The following DOCK3 variants were observed in gnomAD, a reference collection of about 807,000 sequenced individuals.
DOCK3 encodes the protein dedicator of cytokinesis 3.
Under a neutral mutation model 265.6 loss-of-function variants are expected in DOCK3, and 60 were observed. That is an observed-to-expected ratio of 0.23 (90% CI 0.18 to 0.28). The LOEUF (loss-of-function observed/expected upper bound fraction) is 0.28, where lower values mean the gene tolerates loss of function less well. Among genes scored for constraint, DOCK3 ranks in the 10% least tolerant of loss-of-function variants. DOCK3 has a pLI of 1.00. For missense variants in DOCK3, 1,981 were observed against 2,594.3 expected, an observed-to-expected ratio of 0.76 and a Z score of 5.14; for synonymous variants, 881 against 938.0, an observed-to-expected ratio of 0.94 and a Z score of 1.11.
chr3:50,877,121 CT>C, intron 3 of DOCK3: 1 of 278,886 alleles, frequency 3.6e-6, no homozygotes, highest in Non-Finnish European at 7.1e-6. Flanking sequence ...CTAGGCATTG[CT>C]CCAGGAAAAT....
intron 5 of DOCK3, among the ~76,000 whole-genome samples, chr3:50,961,418 T>C (rs551330776): frequency 1.3e-5 from 2 of 152,146 alleles, no homozygotes; most frequent in Non-Finnish European, 2.9e-5. Flanking sequence ...GCATTGCTAG[T>C]TTATAAACAG....
intron 5 of DOCK3, among the ~76,000 whole-genome samples, chr3:50,984,085 A>T (rs9877776): frequency 6.6e-6 from 1 of 151,434 alleles, no homozygotes; most frequent in East Asian, 1.9e-4. Context: ...TTGCTCACAC[A>T]CCCCTTGCCA....
intron 5 of DOCK3, among the ~76,000 whole-genome samples, chr3:50,993,339 A>G (rs2078175060): frequency 6.6e-6 from 1 of 152,228 alleles, no homozygotes. Context: ...TTGGCTTAAT[A>G]ATTCCTTGCC....
At chr3:50,922,878 T>G (rs1433480089) in intron 4 of DOCK3, among the ~76,000 whole-genome samples, 1 of 152,070 alleles carries the variant, frequency 6.6e-6, no homozygotes, top group Non-Finnish European at 1.5e-5. Flanking sequence ...CCAAGCAGTA[T>G]ACACTGCACC....
intron 5 of DOCK3, among the ~76,000 whole-genome samples, chr3:50,951,888 C>G (rs993447903): frequency 6.6e-6 from 1 of 152,124 alleles, no homozygotes; most frequent in African/African-American, 2.4e-5. Context: ...TGACCTGTGG[C>G]AGTTATATCA....
At chr3:50,901,078 C>T (rs1316253736) in intron 4 of DOCK3, 4 of 279,662 alleles carry the variant, frequency 1.4e-5, no homozygotes, top group East Asian at 1.3e-4. Flanking sequence ...TGCCTGCTGC[C>T]GCCCCTTCCC....
At chr3:50,795,829 A>G (rs2042741710) in intron 2 of DOCK3, among the ~76,000 whole-genome samples, 1 of 152,130 alleles carries the variant, frequency 6.6e-6, no homozygotes, top group African/African-American at 2.4e-5. Flanking sequence ...TGTGTTTTGC[A>G]GCTCTTTCAG....
At chr3:50,742,615 A>G (rs2039129668) in intron 1 of DOCK3, among the ~76,000 whole-genome samples, 1 of 152,162 alleles carries the variant, frequency 6.6e-6, no homozygotes, top group Non-Finnish European at 1.5e-5. Context: ...GATGAAATGA[A>G]TGAAATGAAG....
intron 49 of DOCK3, among the ~76,000 whole-genome samples, chr3:51,371,732 C>T (rs767755360): frequency 2.9e-4 from 44 of 152,236 alleles, no homozygotes; most frequent in South Asian, 6.2e-4. Context: ...GTCTTCCTTG[C>T]CATACCCATG....
At chr3:51,317,152 G>A (rs757605980) in intron 32 of DOCK3, among the ~76,000 whole-genome samples, 16 of 151,672 alleles carry the variant, frequency 1.1e-4, no homozygotes, top group Non-Finnish European at 1.9e-4. Flanking sequence ...ATGAAGGATG[G>A]ATCAGGTTCT....
chr3:51,219,634 A>G (rs1160409298), intron 14 of DOCK3, among the ~76,000 whole-genome samples: 1 of 152,210 alleles, frequency 6.6e-6, no homozygotes, highest in Non-Finnish European at 1.5e-5. Context: ...AATCGTGCTT[A>G]CTCCAAGCCA....
At chr3:50,905,048 C>G (rs959322137) in intron 4 of DOCK3, among the ~76,000 whole-genome samples, 1 of 151,978 alleles carries the variant, frequency 6.6e-6, no homozygotes, top group African/African-American at 2.4e-5. Flanking sequence ...TTTTTCTCAG[C>G]TTTGTCAAAG....
chr3:51,367,457 G>GT (rs1208570328), intron 49 of DOCK3, among the ~76,000 whole-genome samples: 6 of 152,184 alleles, frequency 3.9e-5, no homozygotes, highest in African/African-American at 1.4e-4. Context: ...TTGCCAGTCT[G>GT]TGTCTTTTAA....
chr3:51,130,832 C>T lies in DOCK3; in HGVS notation c.747-15717C>T, dbSNP rs1054871501. On this transcript the variant is annotated intron_variant, in intron 9 of 52. Transcript: ENST00000266037. ...AAGCAATTCTCATGCCTCAGCCTCC[C>T]GAGTAGTTGGGACTACAAGTGCGCG... 1.2e-4 allele frequency among the ~76,000 whole-genome samples: 19 copies of T among 152,144 alleles called. No individual in the cohort carries two copies. In the East Asian group the frequency reaches 1.9e-3, roughly 15 times the overall value.
chr3:51,331,313 C>A (rs2084502365), intron 33 of DOCK3, among the ~76,000 whole-genome samples: 1 of 152,112 alleles, frequency 6.6e-6, no homozygotes, highest in African/African-American at 2.4e-5. Context: ...GAAAATGAAT[C>A]CATACTTTAG....
At chr3:51,269,347 CTGTT>C (rs1470065892) in intron 23 of DOCK3, among the ~76,000 whole-genome samples, 1 of 151,938 alleles carries the variant, frequency 6.6e-6, no homozygotes, top group African/African-American at 2.4e-5. Flanking sequence ...AAATGAGTTA[CTGTT>C]TGTTATTGAT....
chr3:51,057,594 G>A (rs190522214), intron 5 of DOCK3, among the ~76,000 whole-genome samples: 57 of 152,300 alleles, frequency 3.7e-4, no homozygotes, highest in Non-Finnish European at 1.8e-4. Context: ...GCTGTTTTGT[G>A]GCATCAGATC....
intron 12 of DOCK3, among the ~76,000 whole-genome samples, chr3:51,201,162 T>C (rs1462499522): frequency 5.3e-5 from 8 of 150,486 alleles, no homozygotes; most frequent in African/African-American, 1.7e-4. Flanking sequence ...AGGATCAAAT[T>C]CACACATAAC....
At chr3:51,155,269 A>AG (rs1359676081) in intron 10 of DOCK3, among the ~76,000 whole-genome samples, 1 of 152,126 alleles carries the variant, frequency 6.6e-6, no homozygotes, top group Non-Finnish European at 1.5e-5. Flanking sequence ...CACTGTACCC[A>AG]GCCCAGCCCT....
Sources: allele counts gnomAD v4.1 joint callset (sites outside exome capture counted in the v4.1 genomes callset), GRCh38; gene constraint gnomAD v4.1.1; transcripts MANE v1.5; gene names NCBI Gene and HGNC (gene_info 2026-07-23, HGNC 2026-07-21).